The following MED12L variants were observed in gnomAD, a reference collection of about 807,000 sequenced individuals.
MED12L encodes the protein mediator complex subunit 12L, also known as mediator of RNA polymerase II transcription subunit 12-like protein.
A neutral mutation model predicts 281.3 loss-of-function variants in MED12L; 60 were observed. The observed-to-expected ratio is 0.21, with a 90% CI of 0.17 to 0.26. The LOEUF (loss-of-function observed/expected upper bound fraction) is 0.26, where lower values mean the gene tolerates loss of function less well. Ranked by LOEUF, MED12L falls within the 10% of genes least tolerant of loss-of-function variation. MED12L has a pLI of 1.00. For synonymous variants in MED12L, 974 were observed against 987.2 expected (o/e 0.99, Z 0.25); for missense variants, 2,146 against 2,680.9 (o/e 0.80, Z 4.41).
At chr3:151,266,333 A>G (rs78348639) in intron 16 of MED12L, among the ~76,000 whole-genome samples, 1,898 of 152,322 alleles carry the variant, frequency 0.012, 41 homozygotes, top group African/African-American at 0.044. Flanking sequence ...TTTGAACCCT[A>G]TCACTGCATG....
chr3:151,363,579 T>C (rs1754891350), intron 21 of MED12L, among the ~76,000 whole-genome samples: 1 of 152,180 alleles, frequency 6.6e-6, no homozygotes, highest in African/African-American at 2.4e-5. Flanking sequence ...TGACTCTGAA[T>C]TGCAAACTTG....
chr3:151,123,101 C>A, intron 4 of MED12L, 127 bp downstream of exon 4: 1 of 741,218 alleles, frequency 1.3e-6, no homozygotes, highest in Non-Finnish European at 2.1e-6. Flanking sequence ...GGTTTGTGGT[C>A]CCAGGTGGGT....
At chr3:151,186,608 C>T (rs1723319755) in intron 12 of MED12L, among the ~76,000 whole-genome samples, 1 of 152,182 alleles carries the variant, frequency 6.6e-6, no homozygotes, top group Admixed American at 6.5e-5. Context: ...TTTGCATGGC[C>T]AGCCTCTTCC....
chr3:151,222,673 G>A (rs181577052), intron 16 of MED12L, among the ~76,000 whole-genome samples: 72 of 152,226 alleles, frequency 4.7e-4, no homozygotes, highest in African/African-American at 1.7e-3. Context: ...TTTGTAAATT[G>A]CCCATTCTCA....
intron 39 of MED12L, among the ~76,000 whole-genome samples, chr3:151,396,457 G>C (rs1475178042): frequency 6.6e-6 from 1 of 151,848 alleles, no homozygotes; most frequent in Non-Finnish European, 1.5e-5. Context: ...GTGAAACTCT[G>C]TCTCTACTAA....
intron 2 of MED12L, among the ~76,000 whole-genome samples, 154 bp downstream of exon 2, chr3:151,087,179 C>A (rs1719357898): frequency 6.6e-6 from 1 of 152,192 alleles, no homozygotes; most frequent in Admixed American, 6.5e-5. Context: ...GCTGGGCGAC[C>A]CCCCGGCGGC....
intron 43 of MED12L, among the ~76,000 whole-genome samples, chr3:151,419,617 G>A (rs1257498984): frequency 6.6e-6 from 1 of 152,110 alleles, no homozygotes; most frequent in Non-Finnish European, 1.5e-5. Flanking sequence ...TTGACACTCA[G>A]TATTAACCAT....
rs561152749 is a variant in MED12L, at chr3:151,326,852, C to T, written c.2251-23207C>T. The T allele has an allele frequency of 4.6e-5, 7 of 152,150 alleles. No individual in the cohort carries two copies. In the East Asian group the frequency reaches 1.4e-3, roughly 29 times the overall value. 9.4% of individuals were successfully genotyped at this position (152,150 alleles called of 1,614,324 possible). On this transcript the variant is annotated intron_variant, in intron 16 of 44. Transcript: ENST00000687756. ...GACTCTTATCCATCATTTCAGAAAGCCACATTTTACTTTTTTGAATCACAG... is the reference window on the plus strand; with the variant it reads ...GACTCTTATCCATCATTTCAGAAAGTCACATTTTACTTTTTTGAATCACAG...
chr3:151,147,263 ATCTTT>A (rs1248877124), intron 5 of MED12L, among the ~76,000 whole-genome samples: 2 of 152,098 alleles, frequency 1.3e-5, no homozygotes, highest in Non-Finnish European at 2.9e-5. Context: ...GTATGGAGTA[ATCTTT>A]TCTTTTACTT....
chr3:151,343,121 G>A (rs1435890144), intron 16 of MED12L, among the ~76,000 whole-genome samples: 2 of 152,080 alleles, frequency 1.3e-5, no homozygotes, highest in South Asian at 2.1e-4. Context: ...AGTGAATCTC[G>A]TGTGGGATGG....
intron 16 of MED12L, among the ~76,000 whole-genome samples, chr3:151,285,708 AC>A (rs1743406111): frequency 6.6e-6 from 1 of 152,106 alleles, no homozygotes. Context: ...AAAGAAAAAA[AC>A]ATATTGAAAT....
In MED12L at chr3:151,394,854, G is replaced by A. The variant is rs745754346; in HGVS notation, c.5807G>A (p.Arg1936Gln). 1.2e-5 allele frequency: 19 copies of A among 1,613,860 alleles called. No homozygotes were observed. The East Asian group carries it at 1.6e-4, about 13-fold the overall frequency. Residue 1936 changes from arginine to glutamine, a missense_variant, in exon 39 of 45, where the codon CGG becomes CAG. Around this residue, in one of 9 missense-constraint regions of MED12L, gnomAD observed 496 missense variants for 512.0 expected, o/e 0.97. Coordinates refer to ENST00000687756, the MANE Select transcript of MED12L (RefSeq NM_001393769.1). The stretch of plus-strand genomic sequence containing the variant: ...CGACTTCTCAGGCAAGCCCAGACTC[G>A]GCCTTTCCAACAGGTTTGTCCAGAC... ...QQRLLRQAQT[R>Q]PFQQGQPGDQ...
intron 15 of MED12L, among the ~76,000 whole-genome samples, 180 bp from the exon 16 acceptor site, chr3:151,193,310 C>G (rs1459070458): frequency 6.6e-6 from 1 of 152,136 alleles, no homozygotes; most frequent in African/African-American, 2.4e-5. Context: ...CTCACAGATT[C>G]GTACTGATCT....
Position 151,424,552 on chromosome 3 carries a change from C to T in MED12L, c.6409-5747C>T, listed in dbSNP as rs189539101. Among the ~76,000 whole-genome samples the T allele has an allele frequency of 6.1e-3, 927 of 152,130 alleles. 10 individuals are homozygous for T. Among genetic ancestry groups the T allele is most frequent in the African/African-American group, 0.021 (857 of 41,494 alleles). ...GAGAATGGCGTGAACCCCCGGGAGG[C>T]GGAGCTTGCAGTGAGCCGAGATTGC... is the stretch of plus-strand genomic sequence containing the variant. On this transcript the variant is annotated intron_variant, in intron 43 of 44. Coordinates refer to ENST00000687756, the MANE Select transcript of MED12L (RefSeq NM_001393769.1).
At chr3:151,337,783 CAAAG>C (rs1553784419) in intron 16 of MED12L, 2 of 1,605,346 alleles carry the variant, frequency 1.2e-6, no homozygotes, top group Non-Finnish European at 1.7e-6. Flanking sequence ...GTTCTGAACA[CAAAG>C]AGATTGAAAT....
chr3:151,398,902 A>G (rs1187857127), intron 39 of MED12L, among the ~76,000 whole-genome samples: 2 of 152,316 alleles, frequency 1.3e-5, no homozygotes, highest in Admixed American at 6.5e-5. Context: ...CTAATAGTAA[A>G]ATAGAACAAT....
chr3:151,396,084 G>T (rs1005053396), intron 39 of MED12L, among the ~76,000 whole-genome samples: 1 of 152,158 alleles, frequency 6.6e-6, no homozygotes, highest in African/African-American at 2.4e-5. Flanking sequence ...GTGTCAGAAA[G>T]GATGAGTCTA....
intron 43 of MED12L, 45 bp from the exon 44 acceptor site, chr3:151,430,254 G>A: frequency 6.2e-7 from 1 of 1,612,064 alleles, no homozygotes; most frequent in Non-Finnish European, 8.5e-7. Context: ...GTCTGTGATT[G>A]GCACCATGGA....
intron 36 of MED12L, 116 bp from the exon 37 acceptor site, chr3:151,387,694 G>T: frequency 7.9e-7 from 1 of 1,260,248 alleles, no homozygotes; most frequent in South Asian, 1.5e-5. Context: ...GTATTCTCGG[G>T]TTCTCTAGGG....
Sources: gnomAD v4.1 joint callset for allele counts (sites outside exome capture counted in the v4.1 genomes callset) on GRCh38, gnomAD v4.1.1 for gene constraint, gnomAD v4.1.1 regional missense constraint, MANE v1.5 for transcripts, NCBI Gene and HGNC (gene_info 2026-07-23, HGNC 2026-07-21) for gene names.